Variants in ESF1 observed in about 807,000 individuals in gnomAD.
The protein encoded by ESF1 is ESF1 nucleolar pre-rRNA processing protein.
In ESF1, 58 loss-of-function variants were observed where a neutral mutation model predicts 92.0. That is an observed-to-expected ratio of 0.63 (90% confidence interval 0.51 to 0.78). The LOEUF is 0.78. Ranked by LOEUF, ESF1 falls within the 30% of genes least tolerant of loss-of-function variation. ESF1 has a pLI of 0.00. For synonymous variants in ESF1, 321 were observed against 313.7 expected (o/e 1.02, Z -0.24); for missense variants, 922 against 989.1 (o/e 0.93, Z 0.91).
chr20:13,737,659 A>C (rs1264928680), intron 9 of ESF1, among the ~76,000 whole-genome samples: 3 of 152,040 alleles, frequency 2.0e-5, no homozygotes, highest in Middle Eastern at 3.2e-3. Context: ...TCTGAGTATA[A>C]GGCTTTTTTT....
At chr20:13,756,608 T>C (rs966493187) in intron 9 of ESF1, among the ~76,000 whole-genome samples, 1 of 152,232 alleles carries the variant, frequency 6.6e-6, no homozygotes. Context: ...ATAGGTTATT[T>C]ATAACATCCC....
chr20:13,749,541 T>C (rs1306233785), intron 9 of ESF1, among the ~76,000 whole-genome samples: 1 of 151,794 alleles, frequency 6.6e-6, no homozygotes, highest in Non-Finnish European at 1.5e-5. Context: ...ACTGAATGGG[T>C]AGATTGAGCA....
At chr20:13,715,634 G>A (rs918467807) in intron 13 of ESF1, among the ~76,000 whole-genome samples, 4 of 152,142 alleles carry the variant, frequency 2.6e-5, no homozygotes, top group Admixed American at 1.3e-4. Context: ...ACTATTGAAG[G>A]TGATCCATGG....
At chr20:13,733,570 A>C in intron 10 of ESF1, 151 bp downstream of exon 10, 1 of 846,592 alleles carries the variant, frequency 1.2e-6, no homozygotes, top group Non-Finnish European at 1.7e-6. Flanking sequence ...AACTTTCTGC[A>C]TTCTCACTTT....
intron 11 of ESF1, among the ~76,000 whole-genome samples, chr20:13,727,795 G>A (rs1384800824): frequency 6.6e-6 from 1 of 152,098 alleles, no homozygotes; most frequent in East Asian, 1.9e-4. Flanking sequence ...AGAGGAGTAA[G>A]GAAAGCTGGC....
At chr20:13,784,662 G>A (rs577424945) in intron 1 of ESF1, among the ~76,000 whole-genome samples, 1 of 151,118 alleles carries the variant, frequency 6.6e-6, no homozygotes, top group Non-Finnish European at 1.5e-5. Context: ...CTCCTGTACC[G>A]CAGGGGGGCA....
At chr20:13,742,655 A>AGTT (rs2050022649) in intron 9 of ESF1, among the ~76,000 whole-genome samples, 1 of 152,254 alleles carries the variant, frequency 6.6e-6, no homozygotes, top group East Asian at 1.9e-4. Context: ...GAATATACAA[A>AGTT]CTATAGTATA....
intron 9 of ESF1, among the ~76,000 whole-genome samples, chr20:13,748,592 ATT>A (rs58809594): frequency 4.2e-5 from 4 of 95,736 alleles, no homozygotes; most frequent in Non-Finnish European, 7.4e-5. Flanking sequence ...ATATATATAT[ATT>A]TTTTTTTTTT....
At chr20:13,732,407 A>G (rs949931029) in intron 10 of ESF1, among the ~76,000 whole-genome samples, 4 of 152,240 alleles carry the variant, frequency 2.6e-5, no homozygotes, top group Non-Finnish European at 5.9e-5. Context: ...AACACTGACT[A>G]CAATAGAAGT....
In ESF1 at chr20:13,775,732, T is replaced by C. The variant is rs567533756; in HGVS notation, c.1035+141A>G. ...ACGTCTTCTAGTTCATATAATTATA[T>C]TCCATATCAAATTTTAATCAGAATC... On this transcript the variant is annotated intron_variant, in intron 3 of 13. Coordinates refer to ENST00000617257, the MANE Select transcript of ESF1 (RefSeq NM_001276380.2). The C allele has an allele frequency of 1.9e-4, 181 of 950,106 alleles. No homozygotes were observed. The South Asian group carries it at 4.0e-3, about 21-fold the overall frequency. 58.9% of individuals were successfully genotyped at this position (950,106 alleles called of 1,614,324 possible).
At position 13,775,938 on chromosome 20, in the gene ESF1, G is replaced by C; in HGVS notation, c.970C>G (p.Pro324Ala). 7 of 1,613,590 alleles carry C rather than the reference G, an allele frequency of 4.3e-6. No individual in the cohort carries two copies. Among genetic ancestry groups the C allele is most frequent in the Non-Finnish European group, 5.9e-6 (7 of 1,179,804 alleles). Residue 324 changes from proline (P) to alanine (A), a missense_variant, in exon 3 of 14, where the codon CCA (proline) becomes GCA (alanine). Coordinates refer to ENST00000617257, the MANE Select transcript of ESF1 (RefSeq NM_001276380.2). ...GCATGCTCAAAACCAGATTCTTCTG[G>C]AAACAAATCTGCCGTATCATCTTCA... ...EDEDDTADLFPEESGFEHAWR... is the reference protein window; with the variant it reads ...EDEDDTADLFAEESGFEHAWR...
chr20:13,765,584 C>CA (rs1268067638), intron 8 of ESF1, among the ~76,000 whole-genome samples: 5 of 151,374 alleles, frequency 3.3e-5, no homozygotes, highest in African/African-American at 7.3e-5. Context: ...AGTTAAAGAC[C>CA]AAAAAAAAGA....
chr20:13,715,642 T>C (rs925556732), intron 13 of ESF1, among the ~76,000 whole-genome samples: 16 of 152,200 alleles, frequency 1.1e-4, no homozygotes, highest in African/African-American at 3.1e-4. Flanking sequence ...AGGTGATCCA[T>C]GGATCAAAAG....
chr20:13,759,414 G>A (rs547045145), intron 9 of ESF1, among the ~76,000 whole-genome samples: 1 of 152,272 alleles, frequency 6.6e-6, no homozygotes, highest in East Asian at 1.9e-4. Flanking sequence ...AACACGTGGT[G>A]CCTGGATTCA....
In ESF1 at chr20:13,751,360, G is replaced by C. The variant is rs1978625803; in HGVS notation, c.1828+8332C>G. On this transcript the variant is annotated intron_variant, in intron 9 of 13. Transcript: ENST00000617257. ...TGGGCTATGGGAAAACAATACATGT[G>C]ACAAGTTTTCTTTTCTTGAGCTCAC... is the stretch of plus-strand genomic sequence containing the variant. 2.0e-5 allele frequency among the ~76,000 whole-genome samples: 3 copies of C among 152,188 alleles called. No homozygotes were observed. The South Asian group carries it at 6.2e-4, about 31-fold the overall frequency.
At position 13,781,836 on chromosome 20, in the gene ESF1, C is replaced by A. The variant is rs1336296582; in HGVS notation, c.637+668G>T. The stretch of plus-strand genomic sequence containing the variant: ...TGAATGAGTACTCAACTCTACTTAC[C>A]CTCTTATTTTATTTTTGAGACGGAG... On this transcript the variant is annotated intron_variant, in intron 2 of 13. Coordinates refer to ENST00000617257, the MANE Select transcript of ESF1 (RefSeq NM_001276380.2). Among the ~76,000 whole-genome samples, 6 of 152,074 alleles carry A rather than the reference C, an allele frequency of 3.9e-5. No individual in the cohort carries two copies. In the East Asian group the frequency reaches 9.6e-4, roughly 24 times the overall value.
chr20:13,764,937 CA>C (rs1979366395), intron 8 of ESF1, among the ~76,000 whole-genome samples: 1 of 150,764 alleles, frequency 6.6e-6, no homozygotes, highest in Non-Finnish European at 1.5e-5. Context: ...AAAACAAAAA[CA>C]AAGGCCAGGC....
chr20:13,734,980 T>C (rs2049967128), intron 9 of ESF1, among the ~76,000 whole-genome samples: 1 of 152,088 alleles, frequency 6.6e-6, no homozygotes, highest in Non-Finnish European at 1.5e-5. Context: ...ATCAGATACA[T>C]CTAAAATGCT....
intron 12 of ESF1, among the ~76,000 whole-genome samples, chr20:13,717,956 C>CTTTT (rs758741323): frequency 7.4e-6 from 1 of 134,654 alleles, no homozygotes; most frequent in Non-Finnish European, 1.6e-5. Flanking sequence ...TTTTTTTTTG[C>CTTTT]TTTTTTTTTT....
Sources: gnomAD v4.1 joint callset for allele counts (sites outside exome capture counted in the v4.1 genomes callset) on GRCh38, gnomAD v4.1.1 for gene constraint, MANE v1.5 for transcripts, NCBI Gene and HGNC (gene_info 2026-07-23, HGNC 2026-07-21) for gene names.